The following FHIT variants were observed in gnomAD, a reference collection of about 807,000 sequenced individuals.
The protein encoded by FHIT is bis(5'-adenosyl)-triphosphatase.
A neutral mutation model predicts 17.9 loss-of-function variants in FHIT; 19 were observed. That is an observed-to-expected ratio of 1.06 (90% CI 0.74 to 1.56). The LOEUF is 1.56. Ranked by LOEUF, FHIT falls within the 40% of genes most tolerant of loss-of-function variation. FHIT has a pLI of 0.00. For synonymous variants in FHIT, 81 were observed against 69.7 expected, an observed-to-expected ratio of 1.16 and a Z score of -0.81; for missense variants, 248 against 189.2, an observed-to-expected ratio of 1.31 and a Z score of -1.82.
At chr3:59,786,937 C>A (rs2106908468) in intron 8 of FHIT, among the ~76,000 whole-genome samples, 1 of 152,238 alleles carries the variant, frequency 6.6e-6, no homozygotes, top group South Asian at 2.1e-4. Flanking sequence ...AAATGACATC[C>A]ACTTTCTACC....
Position 60,640,150 on chromosome 3 carries a change from A to G in FHIT, c.-17-103171T>C, listed in dbSNP as rs553577490. Among the ~76,000 whole-genome samples, 5 of 152,320 alleles carry G rather than the reference A, an allele frequency of 3.3e-5. No individual in the cohort carries two copies. In the East Asian group the frequency reaches 7.7e-4, roughly 23 times the overall value. ...GGGAGTGACAGAAGGAAATGTCCAC[A>G]GTGTGGCACAAGGAAAGTTTTAGGG... On this transcript the variant is annotated intron_variant, in intron 4 of 9. Transcript: ENST00000492590.
rs557021244 is a variant in FHIT, at chr3:59,902,867, T to A, written c.348+19479A>T. ...AGATAAGTAAGTGCTGGCACTCTAA[T>A]GTCTGGCATGGTGACTAAGGCTAAT... On this transcript the variant is annotated intron_variant, in intron 8 of 9. Coordinates refer to ENST00000492590, the MANE Select transcript of FHIT (RefSeq NM_002012.4). Among the ~76,000 whole-genome samples the A allele has an allele frequency of 3.3e-5, 5 of 152,338 alleles. No individual in the cohort carries two copies. The East Asian group carries it at 9.6e-4, about 29-fold the overall frequency.
intron 3 of FHIT, among the ~76,000 whole-genome samples, chr3:61,015,227 C>T (rs1366779136): frequency 6.6e-6 from 1 of 152,036 alleles, no homozygotes; most frequent in Non-Finnish European, 1.5e-5. Flanking sequence ...TAGAGAAAGA[C>T]TACTCGGGAA....
chr3:61,013,296 T>C lies in FHIT; in HGVS notation c.-111+28751A>G, dbSNP rs987814318. 5.9e-5 allele frequency among the ~76,000 whole-genome samples: 9 copies of C among 152,200 alleles called. 1 individual carries two copies. Among genetic ancestry groups the C allele is most frequent in the African/African-American group, 1.4e-4 (6 of 41,456 alleles). On this transcript the variant is annotated intron_variant, in intron 3 of 9. Transcript: ENST00000492590. ...CTTTGATCCACTCTCCCCTTAGAAATTGGATTTCTGAATAGCTAAGGTCTC... is the reference window on the plus strand; with the variant it reads ...CTTTGATCCACTCTCCCCTTAGAAACTGGATTTCTGAATAGCTAAGGTCTC...
intron 5 of FHIT, among the ~76,000 whole-genome samples, chr3:60,229,055 A>C (rs1318712349): frequency 6.6e-6 from 1 of 152,140 alleles, no homozygotes; most frequent in Admixed American, 6.5e-5. Flanking sequence ...TTAATAACCC[A>C]GCATATGTAC....
intron 2 of FHIT, among the ~76,000 whole-genome samples, chr3:61,071,008 A>G (rs2034787356): frequency 6.6e-6 from 1 of 152,200 alleles, no homozygotes; most frequent in East Asian, 1.9e-4. Flanking sequence ...TTTTATTTCA[A>G]TTTGGGTAGA....
chr3:60,557,724 G>C (rs557134933), intron 4 of FHIT, among the ~76,000 whole-genome samples: 1 of 151,798 alleles, frequency 6.6e-6, no homozygotes, highest in East Asian at 2.0e-4. Flanking sequence ...TTGCCACGTG[G>C]GCTGAGAAGC....
intron 8 of FHIT, among the ~76,000 whole-genome samples, chr3:59,813,526 G>A (rs769567713): frequency 6.6e-5 from 10 of 152,222 alleles, no homozygotes; most frequent in Non-Finnish European, 1.5e-4. Context: ...TTTTTGAGAG[G>A]GGATAGAGCA....
chr3:61,063,912 C>G (rs2106709394), intron 2 of FHIT, among the ~76,000 whole-genome samples: 1 of 152,258 alleles, frequency 6.6e-6, no homozygotes, highest in Middle Eastern at 3.4e-3. Context: ...CTCTGACCTC[C>G]ACACATAAGC....
chr3:60,838,895 A>C (rs528243040), intron 3 of FHIT, among the ~76,000 whole-genome samples: 1 of 152,306 alleles, frequency 6.6e-6, no homozygotes, highest in South Asian at 2.1e-4. Context: ...AAAACTTCTC[A>C]GAGATGTGTG....
chr3:60,008,976 G>A (rs1700026253), intron 7 of FHIT, among the ~76,000 whole-genome samples: 1 of 152,188 alleles, frequency 6.6e-6, no homozygotes, highest in African/African-American at 2.4e-5. Context: ...CCCAGTCACA[G>A]TATTCTAAAT....
At chr3:60,794,154 C>A (rs1160724144) in intron 4 of FHIT, among the ~76,000 whole-genome samples, 1 of 151,992 alleles carries the variant, frequency 6.6e-6, no homozygotes, top group Non-Finnish European at 1.5e-5. Context: ...TTCTATAAAT[C>A]CTTCTAAGGA....
At chr3:59,783,818 G>C (rs1286480717) in intron 8 of FHIT, among the ~76,000 whole-genome samples, 2 of 152,090 alleles carry the variant, frequency 1.3e-5, no homozygotes, top group Non-Finnish European at 2.9e-5. Context: ...CCAATGTCTT[G>C]GGACAAGTGG....
chr3:61,088,706 T>C (rs1055235291), intron 2 of FHIT, among the ~76,000 whole-genome samples: 1 of 152,170 alleles, frequency 6.6e-6, no homozygotes. Flanking sequence ...ATGGGACTAC[T>C]ATCTTTGATT....
chr3:61,099,613 G>A (rs1423468423), intron 2 of FHIT, among the ~76,000 whole-genome samples: 3 of 152,024 alleles, frequency 2.0e-5, no homozygotes, highest in Non-Finnish European at 4.4e-5. Context: ...GTCTGTTCTA[G>A]GTTTCAGTTT....
rs577121167 is a variant in FHIT at position 60,052,622 on chromosome 3, G to C, written c.104-38470C>G. 3.8e-4 allele frequency among the ~76,000 whole-genome samples: 58 copies of C among 151,972 alleles called. 1 individual carries two copies. The highest frequency in any genetic ancestry group is 1.3e-3 in the African/African-American group (55 of 41,482). On this transcript the variant is annotated intron_variant, in intron 5 of 9. Coordinates refer to ENST00000492590, the MANE Select transcript of FHIT (RefSeq NM_002012.4). ...GCCTTTTCCTGGGAATCAGAAAGTA[G>C]CAGCCAGACAGGAAACCAAACCACC...
chr3:59,789,441 C>T (rs1355246330), intron 8 of FHIT, among the ~76,000 whole-genome samples: 1 of 152,166 alleles, frequency 6.6e-6, no homozygotes, highest in Non-Finnish European at 1.5e-5. Context: ...ATGCATTTTT[C>T]TCTTCTCCGT....
chr3:60,919,521 G>A (rs1296447219), intron 3 of FHIT, among the ~76,000 whole-genome samples: 1 of 151,822 alleles, frequency 6.6e-6, no homozygotes, highest in Non-Finnish European at 1.5e-5. Context: ...ATGGTGTGGA[G>A]AAACCAAGGA....
chr3:60,119,402 TTA>T (rs1421069979), intron 5 of FHIT, among the ~76,000 whole-genome samples: 12 of 152,182 alleles, frequency 7.9e-5, no homozygotes, highest in Admixed American at 7.9e-4. Flanking sequence ...GATGCCTATT[TTA>T]TGTTTTTAAC....
Sources: gnomAD v4.1 joint callset for allele counts (sites outside exome capture counted in the v4.1 genomes callset) on GRCh38, gnomAD v4.1.1 for gene constraint, MANE v1.5 for transcripts, NCBI Gene and HGNC (gene_info 2026-07-23, HGNC 2026-07-21) for gene names.